Variants in ALK observed in about 807,000 individuals in gnomAD.
ALK encodes the protein ALK receptor tyrosine kinase, also known as ALK tyrosine kinase receptor.
ALK carries 74 observed loss-of-function variants against 163.1 expected under a neutral mutation model. The observed-to-expected ratio is 0.45, with a 90% CI of 0.38 to 0.55. The LOEUF is 0.55. Ranked by LOEUF, ALK falls within the 20% of genes least tolerant of loss-of-function variation. The pLI, the probability that ALK is intolerant of heterozygous loss-of-function variation, is 0.00. For synonymous variants in ALK, 960 were observed against 843.2 expected, an observed-to-expected ratio of 1.14 and a Z score of -2.40; for missense variants, 2,063 against 2,105.3, an observed-to-expected ratio of 0.98 and a Z score of 0.39.
intron 1 of ALK, among the ~76,000 whole-genome samples, chr2:29,809,149 G>A (rs1664691057): frequency 6.6e-6 from 1 of 152,220 alleles, no homozygotes; most frequent in Non-Finnish European, 1.5e-5. Context: ...GAATATGGAT[G>A]AAGAGCATTT....
chr2:29,716,882 C>G (rs1460453153), intron 2 of ALK, among the ~76,000 whole-genome samples: 5 of 151,174 alleles, frequency 3.3e-5, no homozygotes, highest in Non-Finnish European at 2.9e-5. Context: ...CGGTGGCTCA[C>G]TCCTGTAATC....
At chr2:29,369,917 T>C (rs1344939592) in intron 5 of ALK, among the ~76,000 whole-genome samples, 2 of 151,984 alleles carry the variant, frequency 1.3e-5, no homozygotes, top group East Asian at 1.9e-4. Context: ...AAGAATAGAA[T>C]GGAGAAAAAG....
chr2:29,261,768 C>T (rs1318600597), intron 11 of ALK, among the ~76,000 whole-genome samples: 1 of 152,182 alleles, frequency 6.6e-6, no homozygotes, highest in Non-Finnish European at 1.5e-5. Context: ...TCTGTCTCTG[C>T]TGGCAGGTGT....
intron 4 of ALK, among the ~76,000 whole-genome samples, chr2:29,447,074 T>C (rs900991745): frequency 2.6e-5 from 4 of 152,194 alleles, no homozygotes; most frequent in Non-Finnish European, 5.9e-5. Context: ...TCCTTGGCAA[T>C]GTGGCCACCA....
chr2:29,512,235 G>A (rs984734867), intron 4 of ALK, among the ~76,000 whole-genome samples: 14 of 151,882 alleles, frequency 9.2e-5, no homozygotes, highest in Non-Finnish European at 2.9e-5. Flanking sequence ...GAACATTGAT[G>A]CAAAAATCCT....
intron 4 of ALK, among the ~76,000 whole-genome samples, chr2:29,458,404 G>A (rs772688474): frequency 8.5e-5 from 13 of 152,078 alleles, no homozygotes; most frequent in South Asian, 2.1e-4. Context: ...TCCATTAAGC[G>A]TTTATAGTAA....
Position 29,846,745 on chromosome 2 carries a change from A to G in ALK, c.667+73248T>C, listed in dbSNP as rs143888701. 6.6e-5 allele frequency among the ~76,000 whole-genome samples: 10 copies of G among 152,322 alleles called. No individual in the cohort carries two copies. In the East Asian group the frequency reaches 1.9e-3, roughly 29 times the overall value. Reference sequence around the variant, plus strand: ...ATAACTGCTAAGTAGCACTACTATTATCATATTAGCCACACTTGTTGAGTG... The same window carrying G: ...ATAACTGCTAAGTAGCACTACTATTGTCATATTAGCCACACTTGTTGAGTG... On this transcript the variant is annotated intron_variant, in intron 1 of 28. Transcript: ENST00000389048.
intron 4 of ALK, among the ~76,000 whole-genome samples, chr2:29,385,324 G>C (rs1430484119): frequency 6.7e-6 from 1 of 150,282 alleles, no homozygotes; most frequent in Non-Finnish European, 1.5e-5. Context: ...AAGTCACCTA[G>C]AATACCATTG....
chr2:29,233,443 G>T, intron 14 of ALK, 122 bp downstream of exon 14: 2 of 1,416,552 alleles, frequency 1.4e-6, no homozygotes, highest in Non-Finnish European at 2.0e-6. Flanking sequence ...ACTGTACCTG[G>T]CCCTGCTCAT....
At chr2:29,348,244 G>A (rs940778098) in intron 5 of ALK, among the ~76,000 whole-genome samples, 2 of 152,178 alleles carry the variant, frequency 1.3e-5, no homozygotes, top group African/African-American at 4.8e-5. Context: ...ACTCGACCCA[G>A]CCAGATTGTC....
intron 4 of ALK, among the ~76,000 whole-genome samples, chr2:29,442,600 A>C (rs2148083057): frequency 6.6e-6 from 1 of 152,222 alleles, no homozygotes; most frequent in East Asian, 1.9e-4. Context: ...TCACTGGTAA[A>C]AATGGGGATG....
intron 12 of ALK, among the ~76,000 whole-genome samples, chr2:29,250,361 C>T (rs1664785301): frequency 6.6e-6 from 1 of 152,170 alleles, no homozygotes; most frequent in Non-Finnish European, 1.5e-5. Flanking sequence ...TGGGGGCCAC[C>T]CAGGTTTATT....
chr2:29,604,346 C>T (rs1052400627), intron 3 of ALK, among the ~76,000 whole-genome samples: 2 of 151,936 alleles, frequency 1.3e-5, no homozygotes, highest in Non-Finnish European at 2.9e-5. Flanking sequence ...ATGGCAGAGT[C>T]GAGTAGTTAC....
chr2:29,803,861 A>G (rs1558495587), intron 1 of ALK, among the ~76,000 whole-genome samples: 1 of 152,208 alleles, frequency 6.6e-6, no homozygotes, highest in Non-Finnish European at 1.5e-5. Flanking sequence ...TTACATGTGT[A>G]TATGGGCTCT....
intron 1 of ALK, among the ~76,000 whole-genome samples, chr2:29,811,866 A>C (rs1664769599): frequency 6.6e-6 from 1 of 152,102 alleles, no homozygotes; most frequent in Middle Eastern, 3.2e-3. Flanking sequence ...TTCCAGTTCA[A>C]ATGTCCCCCC....
chr2:29,202,181 T>C (rs1669198486), intron 26 of ALK, among the ~76,000 whole-genome samples: 1 of 152,220 alleles, frequency 6.6e-6, no homozygotes, highest in Non-Finnish European at 1.5e-5. Context: ...CTGTTCACAC[T>C]GGCTTTTCCT....
chr2:29,196,919 T>TTTCA, intron 27 of ALK, 59 bp from the exon 28 acceptor site: 1 of 1,444,776 alleles, frequency 6.9e-7, no homozygotes, highest in Non-Finnish European at 9.7e-7. Context: ...AAAATATATT[T>TTTCA]TCTTCCAGCC....
At chr2:29,208,923 A>T (rs1573101299) in intron 25 of ALK, among the ~76,000 whole-genome samples, 1 of 152,124 alleles carries the variant, frequency 6.6e-6, no homozygotes, top group Non-Finnish European at 1.5e-5. Context: ...GAAAAAAAAA[A>T]TAATTTTTAA....
chr2:29,367,094 T>C (rs1396706580), intron 5 of ALK, among the ~76,000 whole-genome samples: 1 of 152,148 alleles, frequency 6.6e-6, no homozygotes, highest in Non-Finnish European at 1.5e-5. Context: ...AGTGTGCCTA[T>C]TATCCATTTA....
Sources: gnomAD v4.1 joint callset for allele counts (sites outside exome capture counted in the v4.1 genomes callset) on GRCh38, gnomAD v4.1.1 for gene constraint, MANE v1.5 for transcripts, NCBI Gene and HGNC (gene_info 2026-07-23, HGNC 2026-07-21) for gene names.